The following LRP1B variants were observed in gnomAD, a reference collection of about 807,000 sequenced individuals.
LRP1B encodes low-density lipoprotein receptor-related protein 1B.
LRP1B carries 217 observed loss-of-function variants against 556.6 expected under a neutral mutation model. The ratio of observed to expected loss-of-function variants is 0.39; its 90% CI spans 0.35 to 0.44. The LOEUF is 0.44. Among genes scored for constraint, LRP1B ranks in the 20% least tolerant of loss-of-function variants. The pLI is 1.00. For synonymous variants in LRP1B, 2,047 were observed against 1,865.8 expected (o/e 1.10, Z -2.50); for missense variants, 5,053 against 5,620.8 (o/e 0.90, Z 3.23).
intron 77 of LRP1B, among the ~76,000 whole-genome samples, chr2:140,343,635 C>A (rs1243986654): frequency 2.0e-5 from 3 of 151,600 alleles, no homozygotes; most frequent in African/African-American, 4.8e-5. Flanking sequence ...GCAGAAATGA[C>A]TTTTTATGGT....
intron 3 of LRP1B, among the ~76,000 whole-genome samples, chr2:141,470,231 G>A (rs993790189): frequency 1.3e-5 from 2 of 151,998 alleles, no homozygotes; most frequent in Admixed American, 1.3e-4. Flanking sequence ...ACTTCTTATT[G>A]TTACTGGTGC....
intron 3 of LRP1B, among the ~76,000 whole-genome samples, chr2:141,363,606 T>A (rs1207129689): frequency 3.3e-5 from 5 of 152,152 alleles, no homozygotes; most frequent in Admixed American, 2.0e-4. Flanking sequence ...GAAATATCAT[T>A]TAATATTTTA....
At chr2:141,528,277 T>C (rs1684757900) in intron 2 of LRP1B, among the ~76,000 whole-genome samples, 1 of 151,934 alleles carries the variant, frequency 6.6e-6, no homozygotes, top group Non-Finnish European at 1.5e-5. Flanking sequence ...CCGTTGTAGT[T>C]GTCCAGAAAA....
intron 84 of LRP1B, among the ~76,000 whole-genome samples, chr2:140,279,103 CTCTTTCTT>C (rs1235529082): frequency 6.6e-6 from 1 of 151,912 alleles, no homozygotes; most frequent in Admixed American, 6.6e-5. Flanking sequence ...CTCTCTTTCT[CTCTTTCTT>C]TCTTGTCTTA....
intron 1 of LRP1B, among the ~76,000 whole-genome samples, chr2:141,856,632 T>C (rs1221603772): frequency 6.6e-6 from 1 of 152,120 alleles, no homozygotes; most frequent in African/African-American, 2.4e-5. Context: ...CTTGCATTTT[T>C]AAAAATGTGA....
intron 1 of LRP1B, among the ~76,000 whole-genome samples, chr2:141,830,572 C>T (rs2105744905): frequency 6.6e-6 from 1 of 151,750 alleles, no homozygotes; most frequent in Non-Finnish European, 1.5e-5. Flanking sequence ...ACAAATAAAA[C>T]TAAGTGTTTC....
In LRP1B at chr2:140,994,037, C is replaced by G. The variant is rs1015312571; in HGVS notation, c.2602G>C (p.Asp868His). 1 of 1,612,652 alleles carries G rather than the reference C, an allele frequency of 6.2e-7. No individual in the cohort carries two copies. The highest frequency in any genetic ancestry group is 8.5e-7 in the Non-Finnish European group (1 of 1,179,120). ...IQARWKCDGD[D>H]DCLDGSDEDS... The stretch of plus-strand genomic sequence containing the variant: ...TCATCGCTTCCGTCTAGGCAGTCAT[C>G]GTCGCCATCACATTTCCACCGAGCT... The change falls in exon 16 of 91, where the codon GAT becomes CAT. Residue 868 changes from aspartate (D) to histidine (H), a missense_variant. This residue lies in a region of LRP1B where 3,619 missense variants were observed against 3,931.9 expected (regional missense o/e 0.92). Coordinates refer to ENST00000389484, the MANE Select transcript of LRP1B (RefSeq NM_018557.3).
At chr2:141,670,596 C>T (rs953550811) in intron 2 of LRP1B, among the ~76,000 whole-genome samples, 3 of 152,126 alleles carry the variant, frequency 2.0e-5, no homozygotes, top group Admixed American at 6.6e-5. Context: ...AACAATGTGA[C>T]AGGCTGGTAT....
At chr2:140,580,713 T>C (rs1681727660) in intron 43 of LRP1B, among the ~76,000 whole-genome samples, 1 of 152,230 alleles carries the variant, frequency 6.6e-6, no homozygotes, top group South Asian at 2.1e-4. Context: ...GACTGAATTA[T>C]CAAAACCTAA....
At chr2:140,898,756 C>T in intron 23 of LRP1B, 1 of 578,002 alleles carries the variant, frequency 1.7e-6, no homozygotes, top group South Asian at 1.5e-5. Context: ...ACCCTCAAGA[C>T]CCTGAGCCTC....
intron 2 of LRP1B, among the ~76,000 whole-genome samples, chr2:141,768,209 C>T (rs1694790079): frequency 6.6e-6 from 1 of 152,096 alleles, no homozygotes; most frequent in Non-Finnish European, 1.5e-5. Flanking sequence ...GCACTTTAGC[C>T]TTCAATGGCT....
At chr2:140,911,971 T>G (rs182711099) in intron 21 of LRP1B, among the ~76,000 whole-genome samples, 1 of 151,868 alleles carries the variant, frequency 6.6e-6, no homozygotes, top group East Asian at 1.9e-4. Flanking sequence ...AAAAATAATA[T>G]TCAGATGACT....
chr2:141,019,135 C>A (rs1053394730), intron 12 of LRP1B, among the ~76,000 whole-genome samples: 1 of 151,964 alleles, frequency 6.6e-6, no homozygotes, highest in Admixed American at 6.6e-5. Flanking sequence ...TTTGATATTT[C>A]TATAAGTACA....
chr2:141,109,423 A>G (rs1490822630), intron 7 of LRP1B, among the ~76,000 whole-genome samples: 8 of 144,992 alleles, frequency 5.5e-5, no homozygotes, highest in African/African-American at 2.1e-4. Flanking sequence ...TTTAAAAAAC[A>G]TCTAAGAAAT....
intron 1 of LRP1B, among the ~76,000 whole-genome samples, chr2:141,826,988 A>T (rs1696949511): frequency 6.6e-6 from 1 of 152,236 alleles, no homozygotes; most frequent in Admixed American, 6.5e-5. Context: ...TTTTAAGGAC[A>T]GGCAAATTTT....
chr2:141,516,086 A>G (rs1381387435), intron 2 of LRP1B, among the ~76,000 whole-genome samples: 1 of 152,194 alleles, frequency 6.6e-6, no homozygotes, highest in Non-Finnish European at 1.5e-5. Context: ...TGATGCTTCA[A>G]TTATCATTAC....
At chr2:140,408,345 A>C (rs2105242010) in intron 66 of LRP1B, among the ~76,000 whole-genome samples, 1 of 152,128 alleles carries the variant, frequency 6.6e-6, no homozygotes, top group South Asian at 2.1e-4. Flanking sequence ...ACTAATTTAA[A>C]AAAATTAAAA....
intron 18 of LRP1B, among the ~76,000 whole-genome samples, chr2:140,965,156 C>G (rs540998778): frequency 6.6e-6 from 1 of 152,144 alleles, no homozygotes; most frequent in African/African-American, 2.4e-5. Flanking sequence ...TAAAGTTCCC[C>G]TGGGGTAGTG....
intron 47 of LRP1B, among the ~76,000 whole-genome samples, chr2:140,532,589 G>A (rs1003871676): frequency 1.3e-5 from 2 of 151,734 alleles, no homozygotes; most frequent in Admixed American, 1.3e-4. Flanking sequence ...TCGAGATGGG[G>A]TTTCACCATG....
Sources: allele counts gnomAD v4.1 joint callset (sites outside exome capture counted in the v4.1 genomes callset), GRCh38; gene constraint gnomAD v4.1.1; regional missense constraint gnomAD v4.1.1; transcripts MANE v1.5; gene names NCBI Gene and HGNC (gene_info 2026-07-23, HGNC 2026-07-21).